Variants in DGKB observed in about 807,000 individuals in gnomAD.
DGKB encodes diacylglycerol kinase beta, also known as 90 kDa diacylglycerol kinase.
DGKB carries 67 observed loss-of-function variants against 114.3 expected under a neutral mutation model. The observed-to-expected ratio is 0.59, with a 90% CI of 0.48 to 0.72. DGKB has a LOEUF of 0.72. Ranked by LOEUF, DGKB falls within the 30% of genes least tolerant of loss-of-function variation. The pLI is 0.00. For missense variants in DGKB, 907 were observed against 975.2 expected (o/e 0.93, Z 0.93); for synonymous variants, 398 against 323.1 (o/e 1.23, Z -2.49).
chr7:14,888,128 C>A (rs1337509936), intron 1 of DGKB, among the ~76,000 whole-genome samples: 1 of 151,562 alleles, frequency 6.6e-6, no homozygotes, highest in Non-Finnish European at 1.5e-5. Context: ...GCAAGAAAGA[C>A]AAGAACTGGT....
chr7:14,478,351 G>A, intron 20 of DGKB, 126 bp from the exon 21 acceptor site: 1 of 603,834 alleles, frequency 1.7e-6, no homozygotes. Context: ...TTGCCAAGAA[G>A]GTTATGTAAA....
chr7:14,867,321 T>A lies in DGKB; in HGVS notation c.-187-25871A>T, dbSNP rs1383474475. ...ACCATATTCAAGGTCATCTAAGTATTCTCTTATCTTCTAAGATTTTGCTAC... is the reference window on the plus strand; with the variant it reads ...ACCATATTCAAGGTCATCTAAGTATACTCTTATCTTCTAAGATTTTGCTAC... On this transcript the variant is annotated intron_variant, in intron 1 of 25. Transcript: ENST00000402815. Among the ~76,000 whole-genome samples the A allele has an allele frequency of 1.2e-4, 19 of 152,294 alleles. No individual in the cohort carries two copies. The South Asian group carries it at 3.3e-3, about 27-fold the overall frequency.
chr7:14,871,855 A>G (rs1226954414), intron 1 of DGKB, among the ~76,000 whole-genome samples: 2 of 152,186 alleles, frequency 1.3e-5, no homozygotes, highest in African/African-American at 4.8e-5. Flanking sequence ...TATAATTAAA[A>G]TGAATTTTCA....
intron 21 of DGKB, among the ~76,000 whole-genome samples, chr7:14,468,818 T>C (rs948470722): frequency 3.9e-5 from 6 of 152,078 alleles, no homozygotes; most frequent in Admixed American, 6.6e-5. Flanking sequence ...ACTTTACAAA[T>C]CTTGTTTCTT....
At chr7:14,501,931 A>G (rs1786247316) in intron 20 of DGKB, among the ~76,000 whole-genome samples, 1 of 151,880 alleles carries the variant, frequency 6.6e-6, no homozygotes, top group African/African-American at 2.4e-5. Flanking sequence ...CCATAATGGG[A>G]TGAGGTTTTT....
intron 20 of DGKB, among the ~76,000 whole-genome samples, chr7:14,498,978 G>T (rs1482453217): frequency 6.6e-6 from 1 of 151,540 alleles, no homozygotes; most frequent in Admixed American, 6.6e-5. Flanking sequence ...AAGTATGAAG[G>T]TAAAGAGTTT....
chr7:14,526,249 G>A (rs550599900), intron 20 of DGKB, among the ~76,000 whole-genome samples: 33 of 152,098 alleles, frequency 2.2e-4, no homozygotes, highest in African/African-American at 8.0e-4. Flanking sequence ...CGGATTCTTC[G>A]TTGTTGTGGG....
At chr7:14,759,127 G>T (rs532940134) in intron 2 of DGKB, among the ~76,000 whole-genome samples, 1 of 152,054 alleles carries the variant, frequency 6.6e-6, no homozygotes, top group Non-Finnish European at 1.5e-5. Flanking sequence ...GTTTCACCAC[G>T]TTGGCCAGGC....
chr7:14,305,416 A>G (rs1415772077), intron 23 of DGKB, among the ~76,000 whole-genome samples: 1 of 152,122 alleles, frequency 6.6e-6, no homozygotes, highest in African/African-American at 2.4e-5. Context: ...CATTTTTGAT[A>G]ATATTAAATA....
At chr7:14,605,418 G>T (rs978683671) in intron 17 of DGKB, among the ~76,000 whole-genome samples, 2 of 149,066 alleles carry the variant, frequency 1.3e-5, no homozygotes, top group East Asian at 2.0e-4. Context: ...GTATGAATAC[G>T]TTATAGATAG....
At chr7:14,656,753 T>TATACACACACAC (rs139391597) in intron 13 of DGKB, among the ~76,000 whole-genome samples, 8 of 149,230 alleles carry the variant, frequency 5.4e-5, no homozygotes, top group African/African-American at 2.0e-4. Context: ...ATAGGATATA[T>TATACACACACAC]ACACACACAC....
intron 1 of DGKB, among the ~76,000 whole-genome samples, chr7:14,928,444 TTA>T (rs1784849502): frequency 6.6e-6 from 1 of 151,968 alleles, no homozygotes; most frequent in African/African-American, 2.4e-5. Context: ...ACACATATTT[TTA>T]TGTTACAGAA....
chr7:14,727,081 T>C (rs535836496), intron 5 of DGKB, among the ~76,000 whole-genome samples: 23 of 152,326 alleles, frequency 1.5e-4, no homozygotes, highest in African/African-American at 5.5e-4. Context: ...AAACTGTAAA[T>C]AAATATTTTT....
At chr7:14,799,638 G>A (rs964528345) in intron 2 of DGKB, among the ~76,000 whole-genome samples, 3 of 152,206 alleles carry the variant, frequency 2.0e-5, no homozygotes, top group Non-Finnish European at 4.4e-5. Context: ...TACCTCTAAC[G>A]GGCCTATTTG....
Position 14,722,995 on chromosome 7 carries a change from C to A in DGKB, c.323-4310G>T, listed in dbSNP as rs996790823. 4.7e-5 allele frequency among the ~76,000 whole-genome samples: 5 copies of A among 106,512 alleles called. No individual in the cohort carries two copies. In the East Asian group the frequency reaches 1.9e-3, roughly 41 times the overall value. The allele number at this position is 106,512 out of a possible 152,430, so 69.9% of individuals were successfully genotyped here. A position where few individuals can be genotyped will look rare whatever the true frequency, so the allele number is the denominator to read the frequency against. ...GGAGTTATTTTTACACCCTACTCTACCCTTTATTTATTTATTTATTTATTT... is the reference window on the plus strand; with the variant it reads ...GGAGTTATTTTTACACCCTACTCTAACCTTTATTTATTTATTTATTTATTT... On this transcript the variant is annotated intron_variant, in intron 5 of 25. Transcript: ENST00000402815.
At chr7:14,586,386 G>A (rs1800767559) in intron 17 of DGKB, among the ~76,000 whole-genome samples, 1 of 152,012 alleles carries the variant, frequency 6.6e-6, no homozygotes, top group Non-Finnish European at 1.5e-5. Context: ...ATGTGAGGAA[G>A]CTGAAAAATA....
At chr7:14,916,090 A>G (rs1784225167) in intron 1 of DGKB, among the ~76,000 whole-genome samples, 1 of 147,670 alleles carries the variant, frequency 6.8e-6, no homozygotes. Context: ...GTTATTCGGT[A>G]CATGCATGTA....
At chr7:14,895,704 G>C (rs977414225) in intron 1 of DGKB, among the ~76,000 whole-genome samples, 9 of 151,590 alleles carry the variant, frequency 5.9e-5, no homozygotes, top group Non-Finnish European at 8.9e-5. Context: ...AGGATGAATA[G>C]GATACAGGAC....
chr7:14,424,343 A>G (rs1362958721), intron 21 of DGKB, among the ~76,000 whole-genome samples: 3 of 151,484 alleles, frequency 2.0e-5, no homozygotes, highest in Non-Finnish European at 2.9e-5. Flanking sequence ...CTTCGTGACT[A>G]TTTTCCTCCC....
Sources: allele counts gnomAD v4.1 joint callset (sites outside exome capture counted in the v4.1 genomes callset), GRCh38; gene constraint gnomAD v4.1.1; transcripts MANE v1.5; gene names NCBI Gene and HGNC (gene_info 2026-07-23, HGNC 2026-07-21).